The following EXOC4 variants were observed in gnomAD, a reference collection of about 807,000 sequenced individuals.
EXOC4 encodes the protein SEC8-like 1.
In EXOC4, 71 loss-of-function variants were observed where a neutral mutation model predicts 107.2. The ratio of observed to expected loss-of-function variants is 0.66; its 90% CI spans 0.55 to 0.81. EXOC4 has a LOEUF of 0.81. Among genes scored for constraint, EXOC4 ranks in the 30% least tolerant of loss-of-function variants. EXOC4 has a pLI of 0.00. For missense variants in EXOC4, 1,108 were observed against 1,189.6 expected (o/e 0.93, Z 1.01); for synonymous variants, 456 against 441.2 (o/e 1.03, Z -0.42).
intron 10 of EXOC4, among the ~76,000 whole-genome samples, chr7:133,690,799 C>T (rs1291490489): frequency 1.3e-5 from 2 of 151,852 alleles, no homozygotes; most frequent in East Asian, 1.9e-4. Flanking sequence ...TAGGACAGGG[C>T]GGATTGGGCT....
intron 10 of EXOC4, among the ~76,000 whole-genome samples, chr7:133,719,379 T>C (rs1795060599): frequency 6.6e-6 from 1 of 152,126 alleles, no homozygotes; most frequent in South Asian, 2.1e-4. Flanking sequence ...TAGAAGAATT[T>C]TTAGGAAAAA....
chr7:133,597,566 AAAAAAAAAACCC>A (rs1801708260), intron 9 of EXOC4, among the ~76,000 whole-genome samples: 2 of 147,062 alleles, frequency 1.4e-5, no homozygotes, highest in African/African-American at 5.2e-5. Flanking sequence ...AAAAAAAAAA[AAAAAAAAAACCC>A]AAAAAAAAAA....
chr7:133,484,133 T>G, intron 9 of EXOC4: 1 of 1,610,498 alleles, frequency 6.2e-7, no homozygotes, highest in Non-Finnish European at 8.5e-7. Flanking sequence ...CATTTTCAAT[T>G]TATCATACAA....
At chr7:133,608,330 T>C (rs967793292) in intron 9 of EXOC4, among the ~76,000 whole-genome samples, 1 of 152,118 alleles carries the variant, frequency 6.6e-6, no homozygotes, top group Non-Finnish European at 1.5e-5. Flanking sequence ...TTGTGGTAAT[T>C]TCTTTCTGCC....
chr7:133,347,453 A>T (rs2150638417), intron 5 of EXOC4, among the ~76,000 whole-genome samples: 1 of 151,822 alleles, frequency 6.6e-6, no homozygotes, highest in South Asian at 2.1e-4. Flanking sequence ...CATGTTGGCC[A>T]GGATGGTCTC....
chr7:133,757,367 T>C (rs1795941075), intron 10 of EXOC4, among the ~76,000 whole-genome samples: 1 of 152,348 alleles, frequency 6.6e-6, no homozygotes, highest in Middle Eastern at 3.4e-3. Flanking sequence ...TTTAAAAAAA[T>C]GCAGATTGTG....
intron 10 of EXOC4, among the ~76,000 whole-genome samples, chr7:133,777,062 T>C (rs1267179117): frequency 6.6e-6 from 1 of 152,158 alleles, no homozygotes; most frequent in East Asian, 1.9e-4. Context: ...AATTTATATT[T>C]TTAAACATTA....
At position 133,644,050 on chromosome 7, in the gene EXOC4, A is replaced by G. The variant is rs148984772; in HGVS notation, c.1514+13909A>G. 5.6e-3 allele frequency among the ~76,000 whole-genome samples: 860 copies of G among 152,310 alleles called. 7 individuals carry two copies. The highest frequency in any genetic ancestry group is 0.02 in the African/African-American group (818 of 41,570). ...GACCCGGCCTCCCGTTCATTCAAGG[A>G]GTTCTGGGTCTGTAAACTGGCTCAA... is the stretch of plus-strand genomic sequence containing the variant. On this transcript the variant is annotated intron_variant, in intron 10 of 17. Transcript: ENST00000253861.
At chr7:133,538,586 C>A (rs1247428661) in intron 9 of EXOC4, among the ~76,000 whole-genome samples, 2 of 151,940 alleles carry the variant, frequency 1.3e-5, no homozygotes, top group East Asian at 3.9e-4. Flanking sequence ...GAGGCTGAGG[C>A]TGGAGCATCA....
intron 9 of EXOC4, among the ~76,000 whole-genome samples, chr7:133,617,728 G>A (rs1424443636): frequency 6.6e-6 from 1 of 152,106 alleles, no homozygotes; most frequent in East Asian, 1.9e-4. Context: ...AAGGAAGTTG[G>A]TCACCTTGAC....
At chr7:133,705,862 GTTGT>G (rs1396470625) in intron 10 of EXOC4, among the ~76,000 whole-genome samples, 1 of 152,156 alleles carries the variant, frequency 6.6e-6, no homozygotes. Context: ...AAATGCATGA[GTTGT>G]TTATTTCTGA....
chr7:133,608,659 C>T (rs543900892), intron 9 of EXOC4, among the ~76,000 whole-genome samples: 1 of 147,970 alleles, frequency 6.8e-6, no homozygotes, highest in African/African-American at 2.5e-5. Flanking sequence ...AAGCGATTCT[C>T]CTGCCCCAGC....
At position 133,893,570 on chromosome 7, in the gene EXOC4, G is replaced by T. The variant is rs368644042; in HGVS notation, c.1735-2029G>T. Among the ~76,000 whole-genome samples the T allele has an allele frequency of 7.6e-4, 53 of 69,670 alleles. 12 individuals are homozygous for T. The highest frequency in any genetic ancestry group is 3.2e-3 in the East Asian group (10 of 3,174). 45.7% of individuals were successfully genotyped at this position (69,670 alleles called of 152,430 possible). On this transcript the variant is annotated intron_variant, in intron 11 of 17. Coordinates refer to ENST00000253861, the MANE Select transcript of EXOC4 (RefSeq NM_021807.4). ...GATTTTGCAGCGGCTGGTACCGGTT[G>T]TTCCTTTCCATGTTTAGTGCTTCCT...
chr7:133,349,538 A>T (rs1371107967), intron 5 of EXOC4, among the ~76,000 whole-genome samples: 1 of 152,054 alleles, frequency 6.6e-6, no homozygotes, highest in Non-Finnish European at 1.5e-5. Context: ...TATATATCAC[A>T]TTTTGCTTAT....
intron 9 of EXOC4, among the ~76,000 whole-genome samples, chr7:133,533,761 TG>T (rs1800223438): frequency 6.6e-6 from 1 of 152,140 alleles, no homozygotes; most frequent in Admixed American, 6.6e-5. Flanking sequence ...TATAGTATGA[TG>T]TCAGAAACAT....
intron 7 of EXOC4, among the ~76,000 whole-genome samples, chr7:133,423,882 C>T (rs1165508210): frequency 6.6e-6 from 1 of 152,172 alleles, no homozygotes; most frequent in Middle Eastern, 3.2e-3. Context: ...GGGACGAGCT[C>T]CCTCTGGGCT....
At chr7:133,757,651 A>C (rs1052313163) in intron 10 of EXOC4, among the ~76,000 whole-genome samples, 4 of 152,248 alleles carry the variant, frequency 2.6e-5, no homozygotes, top group African/African-American at 9.6e-5. Flanking sequence ...GCAATACTGC[A>C]GGACTGGATA....
In EXOC4 at chr7:134,002,041, T is replaced by C. The variant is rs576252376; in HGVS notation, c.2349-2871T>C. 3.3e-5 allele frequency among the ~76,000 whole-genome samples: 5 copies of C among 152,340 alleles called. No homozygotes were observed. The East Asian group carries it at 9.6e-4, about 29-fold the overall frequency. Reference sequence around the variant, plus strand: ...ACAGTAGCAATCAGTGTGCTAGTCATGAATCCCATTCCAGAGTTGGTCAAC... The same window carrying C: ...ACAGTAGCAATCAGTGTGCTAGTCACGAATCCCATTCCAGAGTTGGTCAAC... On this transcript the variant is annotated intron_variant, in intron 15 of 17. Transcript: ENST00000253861.
intron 7 of EXOC4, among the ~76,000 whole-genome samples, chr7:133,376,979 A>G (rs1796504689): frequency 6.6e-6 from 1 of 152,252 alleles, no homozygotes; most frequent in Admixed American, 6.5e-5. Context: ...TGTCTAGCAT[A>G]GAATTATTAT....
Sources: allele counts gnomAD v4.1 joint callset (sites outside exome capture counted in the v4.1 genomes callset), GRCh38; gene constraint gnomAD v4.1.1; transcripts MANE v1.5; gene names NCBI Gene and HGNC (gene_info 2026-07-23, HGNC 2026-07-21).